PCDHA3: variants seen among roughly 807,000 people sequenced by gnomAD.
The protein encoded by PCDHA3 is protocadherin alpha 3, also known as protocadherin alpha-3.
Under a neutral mutation model 62.2 loss-of-function variants are expected in PCDHA3, and 41 were observed. That is an observed-to-expected ratio of 0.66 (90% CI 0.51 to 0.86). The LOEUF is 0.86. Ranked by LOEUF, PCDHA3 falls within the 40% of genes least tolerant of loss-of-function variation. The pLI, the probability that PCDHA3 is intolerant of heterozygous loss-of-function variation, is 0.00. For missense variants in PCDHA3, 1,304 were observed against 1,241.2 expected, an observed-to-expected ratio of 1.05 and a Z score of -0.76; for synonymous variants, 640 against 555.4, an observed-to-expected ratio of 1.15 and a Z score of -2.14.
intron 1 of PCDHA3, chr5:140,822,738 C>A: frequency 1.9e-6 from 3 of 1,613,298 alleles, no homozygotes; most frequent in Non-Finnish European, 2.5e-6. Context: ...ATATTGATGC[C>A]ATGGATAAAA....
At chr5:140,875,608 G>C in intron 1 of PCDHA3, 1 of 1,613,844 alleles carries the variant, frequency 6.2e-7, no homozygotes, top group Non-Finnish European at 8.5e-7. Context: ...CACCTTCGTG[G>C]GCCGCATCGC....
rs34213614 is a variant in PCDHA3 at position 140,896,536 on chromosome 5, C to CTT, written c.2395-82402_2395-82401dup. ...CACACCACAAAGCCCAGCTATTTTT[C>CTT]TTTTTTTTTTTTGTATTTTAAGTAG... On this transcript the variant is annotated intron_variant, in intron 1 of 3. Coordinates refer to ENST00000522353, the MANE Select transcript of PCDHA3 (RefSeq NM_018906.3). 2.9e-3 allele frequency among the ~76,000 whole-genome samples: 427 copies of CTT among 145,644 alleles called. 4 individuals are homozygous for CTT. Among genetic ancestry groups the CTT allele is most frequent in the African/African-American group, 7.7e-3 (305 of 39,602 alleles).
At chr5:140,808,232 G>T (rs1554124466) in intron 1 of PCDHA3, 1 of 1,614,240 alleles carries the variant, frequency 6.2e-7, no homozygotes, top group Non-Finnish European at 8.5e-7. Flanking sequence ...TAATGTCCCA[G>T]ATTTGGAATT....
At chr5:140,888,018 T>A (rs557919672) in intron 1 of PCDHA3, among the ~76,000 whole-genome samples, 1 of 152,360 alleles carries the variant, frequency 6.6e-6, no homozygotes, top group South Asian at 2.1e-4. Context: ...TTTATCTATA[T>A]GTTTGAGCAT....
At chr5:140,843,524 G>T in intron 1 of PCDHA3, 1 of 1,595,982 alleles carries the variant, frequency 6.3e-7, no homozygotes, top group South Asian at 1.1e-5. Flanking sequence ...GTGCCGGGCG[G>T]GCAAGCCCAC....
rs1302053906 is a variant in PCDHA3 at position 140,802,383 on chromosome 5, A to C, written c.1186A>C (p.Lys396Gln). 1.9e-6 allele frequency: 3 copies of C among 1,614,106 alleles called. No individual in the cohort carries two copies. The highest frequency in any genetic ancestry group is 1.3e-5 in the African/African-American group (1 of 74,944). Reference protein sequence around the residue: ...TCSLTPHVPFKLVSTFKNYYS... With the variant: ...TCSLTPHVPFQLVSTFKNYYS... ...CTCGCTGACGCCCCACGTCCCCTTC[A>C]AGCTGGTGTCCACCTTCAAGAATTA... The change falls in exon 1 of 4, where the codon AAG becomes CAG. Residue 396 changes from lysine (K) to glutamine (Q), a missense_variant. Lys to Gln is a moderately conservative substitution (Grantham distance 53). Transcript: ENST00000522353.
chr5:140,841,267 A>C, intron 1 of PCDHA3: 1 of 1,524,772 alleles, frequency 6.6e-7, no homozygotes, highest in Non-Finnish European at 8.8e-7. Flanking sequence ...CTGAAAGTAC[A>C]GTCGTTCATC....
intron 1 of PCDHA3, among the ~76,000 whole-genome samples, chr5:140,885,639 A>C (rs782628776): frequency 6.6e-6 from 1 of 152,184 alleles, no homozygotes; most frequent in Non-Finnish European, 1.5e-5. Flanking sequence ...TTGCCTTCCA[A>C]GTATTTTGGA....
chr5:141,006,680 G>A (rs1449792614), intron 3 of PCDHA3, among the ~76,000 whole-genome samples: 5 of 152,036 alleles, frequency 3.3e-5, no homozygotes, highest in African/African-American at 1.2e-4. Flanking sequence ...AGTGAAAATT[G>A]GGAGAAGAGG....
chr5:140,869,445 G>T, intron 1 of PCDHA3: 2 of 1,614,232 alleles, frequency 1.2e-6, no homozygotes, highest in Non-Finnish European at 1.7e-6. Flanking sequence ...ACAGGCCGCT[G>T]CAGGTTTTCC....
At chr5:140,823,741 C>T (rs2150128632) in intron 1 of PCDHA3, 61 of 1,613,720 alleles carry the variant, frequency 3.8e-5, no homozygotes, top group Middle Eastern at 1.6e-4. Flanking sequence ...CCATGGAGAG[C>T]CCCCGCTGAC....
chr5:140,967,043 G>T (rs1477679213), intron 1 of PCDHA3: 2 of 1,611,990 alleles, frequency 1.2e-6, no homozygotes, highest in African/African-American at 2.7e-5. Context: ...CCTGGAGCTG[G>T]ACCTGACGAG....
chr5:141,005,701 CAAAAA>C (rs59860837), intron 3 of PCDHA3, among the ~76,000 whole-genome samples: 1 of 7,786 alleles, frequency 1.3e-4, no homozygotes, highest in Non-Finnish European at 2.7e-4. Context: ...AACTCCGTCT[CAAAAA>C]AAAAAAAAAA....
rs1212593321 is a variant in PCDHA3, at chr5:140,803,224, C to A, written c.2027C>A (p.Pro676His). The A allele has an allele frequency of 2.5e-6, 4 of 1,613,848 alleles. No individual in the cohort carries two copies. The highest frequency in any genetic ancestry group is 2.7e-5 in the African/African-American group (2 of 75,068). ...TCGCTGGTGGAGAGTGGCCAGGCAC[C>A]CAAGGCCTCGTCCCAGGCGTCCGCT... Reference protein sequence around the residue: ...LVSLVESGQAPKASSQASAGA... With the variant: ...LVSLVESGQAHKASSQASAGA... The change falls in exon 1 of 4, where the codon CCC becomes CAC. Residue 676 changes from proline to histidine, a missense_variant. Transcript: ENST00000522353.
intron 1 of PCDHA3, among the ~76,000 whole-genome samples, chr5:140,900,263 G>A (rs909474202): frequency 2.0e-5 from 3 of 151,830 alleles, no homozygotes; most frequent in African/African-American, 7.3e-5. Flanking sequence ...GTACTCCATT[G>A]TGTATATGTA....
At chr5:140,849,967 C>T (rs2150460775) in intron 1 of PCDHA3, 1 of 1,597,834 alleles carries the variant, frequency 6.3e-7, no homozygotes, top group East Asian at 2.2e-5. Flanking sequence ...GCCCTGGTGT[C>T]CTACTCGCTG....
At chr5:140,996,503 G>A (rs1306027159) in intron 3 of PCDHA3, among the ~76,000 whole-genome samples, 1 of 152,120 alleles carries the variant, frequency 6.6e-6, no homozygotes, top group African/African-American at 2.4e-5. Context: ...TGGCTTCTTG[G>A]GGCCCAGCAT....
At chr5:140,844,914 A>G (rs1779618781) in intron 1 of PCDHA3, among the ~76,000 whole-genome samples, 1 of 149,422 alleles carries the variant, frequency 6.7e-6, no homozygotes, top group African/African-American at 2.5e-5. Context: ...AATGGTAGAA[A>G]TTGATGGAAG....
chr5:140,913,178 A>G (rs2076245523), intron 1 of PCDHA3, among the ~76,000 whole-genome samples: 1 of 152,156 alleles, frequency 6.6e-6, no homozygotes, highest in African/African-American at 2.4e-5. Context: ...TCTTCTTTAA[A>G]TGTTTGGTAG....
Sources: gnomAD v4.1 joint callset for allele counts (sites outside exome capture counted in the v4.1 genomes callset) on GRCh38, gnomAD v4.1.1 for gene constraint, MANE v1.5 for transcripts, NCBI Gene and HGNC (gene_info 2026-07-23, HGNC 2026-07-21) for gene names.